The following LMNTD1 variants were observed in gnomAD, a reference collection of about 807,000 sequenced individuals.
The protein encoded by LMNTD1 is lamin tail domain containing 1.
A neutral mutation model predicts 50.9 loss-of-function variants in LMNTD1; 35 were observed. The observed-to-expected ratio is 0.69, with a 90% CI of 0.53 to 0.91. The LOEUF (loss-of-function observed/expected upper bound fraction) is 0.91, where lower values mean the gene tolerates loss of function less well. LMNTD1 is among the 40% of genes least tolerant of loss of function. LMNTD1 has a pLI of 0.00. For synonymous variants in LMNTD1, 153 were observed against 161.9 expected (o/e 0.94, Z 0.42); for missense variants, 470 against 475.5 (o/e 0.99, Z 0.11).
At position 25,633,230 on chromosome 12, in the gene LMNTD1, G is replaced by A. The variant is rs190307394; in HGVS notation, c.58+15264C>T. ...TAGACAGCAACACAATAATAATGGG[G>A]GCCTTCAATACTCCACTGACAGCAC... On this transcript the variant is annotated intron_variant, in intron 1 of 7. Coordinates refer to the LMNTD1 transcript ENST00000445693. Among the ~76,000 whole-genome samples the A allele has an allele frequency of 4.1e-3, 622 of 151,882 alleles. 1 individual carries two copies. The highest frequency in any genetic ancestry group is 0.014 in the African/African-American group (579 of 41,390).
intron 2 of LMNTD1, 33 bp downstream of exon 2, chr12:25,552,837 TA>T: frequency 7.7e-7 from 1 of 1,298,322 alleles, no homozygotes; most frequent in Non-Finnish European, 1.1e-6. Context: ...AACTCAGCTC[TA>T]ACTCTGCTTC....
intron 1 of LMNTD1, among the ~76,000 whole-genome samples, chr12:25,562,985 A>G (rs1349338699): frequency 6.6e-6 from 1 of 152,188 alleles, no homozygotes; most frequent in African/African-American, 2.4e-5. Flanking sequence ...TTTCAGCTCC[A>G]TCAGGTCATT....
chr12:25,524,004 G>C (rs1388211268), intron 6 of LMNTD1, among the ~76,000 whole-genome samples: 1 of 152,120 alleles, frequency 6.6e-6, no homozygotes, highest in Non-Finnish European at 1.5e-5. Context: ...CTAGAACAGA[G>C]TGCATGAAGA....
At chr12:25,525,915 T>TTAAA (rs1941673980) in intron 6 of LMNTD1, among the ~76,000 whole-genome samples, 184 bp downstream of exon 6, 1 of 151,940 alleles carries the variant, frequency 6.6e-6, no homozygotes, top group South Asian at 2.1e-4. Flanking sequence ...ACGACTGAAA[T>TTAAA]TAAATAAATA....
At chr12:25,557,432 T>G (rs1944089475), upstream of LMNTD1, 1 of 152,216 alleles carries the variant, frequency 6.6e-6, no homozygotes, top group Admixed American at 6.5e-5. Context: ...CAAACACTGG[T>G]TTGAATCCTC....
chr12:25,480,964 T>C (rs771227214), intron 9 of LMNTD1, among the ~76,000 whole-genome samples: 5 of 152,208 alleles, frequency 3.3e-5, no homozygotes, highest in Non-Finnish European at 7.3e-5. Flanking sequence ...GTAATTTATT[T>C]CACAAGGCTC....
intron 1 of LMNTD1, among the ~76,000 whole-genome samples, chr12:25,637,510 A>G (rs2136615422): frequency 6.6e-6 from 1 of 152,300 alleles, no homozygotes; most frequent in South Asian, 2.1e-4. Context: ...GATAGATTTA[A>G]TCTGGCAGAA....
chr12:25,647,185 A>ATATG (rs1394596980), intron 1 of LMNTD1, among the ~76,000 whole-genome samples: 29 of 152,226 alleles, frequency 1.9e-4, no homozygotes, highest in Non-Finnish European at 4.1e-4. Context: ...ACAATAATAA[A>ATATG]TATGTTTCTG....
intron 1 of LMNTD1, among the ~76,000 whole-genome samples, chr12:25,593,113 C>T (rs1945749465): frequency 6.6e-6 from 1 of 151,262 alleles, no homozygotes; most frequent in Non-Finnish European, 1.5e-5. Context: ...ACCCTGCCCC[C>T]ACCTAATGGT....
chr12:25,617,269 G>A (rs552648552), intron 1 of LMNTD1, among the ~76,000 whole-genome samples: 1 of 152,330 alleles, frequency 6.6e-6, no homozygotes, highest in African/African-American at 2.4e-5. Context: ...TTAGTGGGTA[G>A]TGCCTAGGTA....
chr12:25,481,897 A>G (rs1263142168), intron 9 of LMNTD1, among the ~76,000 whole-genome samples: 1 of 150,776 alleles, frequency 6.6e-6, no homozygotes, highest in Non-Finnish European at 1.5e-5. Flanking sequence ...ACACACACAC[A>G]CACACACACA....
chr12:25,519,587 C>CAAAAAAAAAAAAAAAAAAAAAAAA (rs58304861), intron 7 of LMNTD1, among the ~76,000 whole-genome samples: 1 of 94,716 alleles, frequency 1.1e-5, no homozygotes, highest in Non-Finnish European at 1.9e-5. Context: ...GACTCTGTCT[C>CAAAAAAAAAAAAAAAAAAAAAAAA]AAAAAAAAAA....
At chr12:25,477,966 A>T (rs1367757455) in intron 9 of LMNTD1, among the ~76,000 whole-genome samples, 2 of 152,148 alleles carry the variant, frequency 1.3e-5, no homozygotes, top group African/African-American at 4.8e-5. Context: ...GGCAGGAAGC[A>T]TCCAGCGCAG....
chr12:25,519,057 T>C (rs1941035228), intron 7 of LMNTD1, 90 bp from the exon 8 acceptor site: 1 of 1,210,308 alleles, frequency 8.3e-7, no homozygotes, highest in Admixed American at 2.4e-5. Flanking sequence ...GAAGCATATT[T>C]CAAAACCAAG....
At chr12:25,612,255 C>T (rs1051786615) in intron 1 of LMNTD1, among the ~76,000 whole-genome samples, 2 of 151,224 alleles carry the variant, frequency 1.3e-5, no homozygotes, top group African/African-American at 4.9e-5. Flanking sequence ...TCATTTCCTA[C>T]AATTAACCAG....
chr12:25,615,160 G>A (rs1946327152), intron 1 of LMNTD1, among the ~76,000 whole-genome samples: 1 of 152,188 alleles, frequency 6.6e-6, no homozygotes, highest in Non-Finnish European at 1.5e-5. Context: ...TTAGGTAGCA[G>A]AACAAGCTTC....
At chr12:25,501,888 T>G (rs1939409393) in intron 9 of LMNTD1, among the ~76,000 whole-genome samples, 2 of 152,104 alleles carry the variant, frequency 1.3e-5, no homozygotes, top group African/African-American at 4.8e-5. Context: ...TAAGTAAAAT[T>G]TTGCTCCCAG....
intron 1 of LMNTD1, among the ~76,000 whole-genome samples, chr12:25,581,306 A>G (rs939604638): frequency 1.3e-5 from 2 of 152,214 alleles, no homozygotes; most frequent in African/African-American, 4.8e-5. Flanking sequence ...CGTTTAAAAC[A>G]TCTGGATTCA....
intron 6 of LMNTD1, among the ~76,000 whole-genome samples, chr12:25,524,095 C>G (rs552638380): frequency 6.6e-6 from 1 of 152,326 alleles, no homozygotes; most frequent in South Asian, 2.1e-4. Flanking sequence ...CTCCTCTCCA[C>G]TACAGATTCA....
Sources: allele counts gnomAD v4.1 joint callset (sites outside exome capture counted in the v4.1 genomes callset), GRCh38; gene constraint gnomAD v4.1.1; transcripts MANE v1.5; gene names NCBI Gene and HGNC (gene_info 2026-07-23, HGNC 2026-07-21).